The following ABCA13 variants were observed in gnomAD, a reference collection of about 807,000 sequenced individuals.
The protein encoded by ABCA13 is ATP binding cassette subfamily A member 13.
ABCA13 carries 476 observed loss-of-function variants against 478.7 expected under a neutral mutation model. That is an observed-to-expected ratio of 0.99 (90% CI 0.92 to 1.07). The LOEUF is 1.07. Among genes scored for constraint, ABCA13 ranks in the 50% least tolerant of loss-of-function variants. ABCA13 has a pLI of 0.00. For synonymous variants in ABCA13, 2,252 were observed against 2,158.9 expected, an observed-to-expected ratio of 1.04 and a Z score of -1.20; for missense variants, 6,060 against 5,910.6, an observed-to-expected ratio of 1.03 and a Z score of -0.83.
chr7:48,294,747 G>T (rs970903613), intron 20 of ABCA13, among the ~76,000 whole-genome samples: 2 of 152,252 alleles, frequency 1.3e-5, no homozygotes, highest in East Asian at 1.9e-4. Context: ...CGCCCGGCCC[G>T]TTTCTATGGG....
chr7:48,615,152 A>G lies in ABCA13; in HGVS notation c.14745-133A>G, dbSNP rs763362673. On this transcript the variant is annotated intron_variant, in intron 58 of 61. Transcript: ENST00000435803. ...TTCAAAAGCTTTTGATTTGGTTACCATGAGATTTCTGTGTAAAAAAATTAA... is the reference window on the plus strand; with the variant it reads ...TTCAAAAGCTTTTGATTTGGTTACCGTGAGATTTCTGTGTAAAAAAATTAA... 57 of 438,762 alleles carry G rather than the reference A, an allele frequency of 1.3e-4. 1 individual carries two copies. The highest frequency in any genetic ancestry group is 1.9e-4 in the Non-Finnish European group (50 of 260,610). 27.2% of individuals were successfully genotyped at this position (438,762 alleles called of 1,614,324 possible).
chr7:48,386,117 A>AC lies in ABCA13; in HGVS notation c.11336-1705_11336-1704insC, dbSNP rs1327080483. 2.6e-5 allele frequency among the ~76,000 whole-genome samples: 4 copies of AC among 152,308 alleles called. No individual in the cohort carries two copies. In the East Asian group the frequency reaches 5.8e-4, roughly 22 times the overall value. On this transcript the variant is annotated intron_variant, in intron 35 of 61. Transcript: ENST00000435803. ...GCAACAACAGTCAAGCCCAGAGTTAAATCAGTAACAAACTTCCATTCACAA... is the reference window on the plus strand; with the variant it reads ...GCAACAACAGTCAAGCCCAGAGTTAACATCAGTAACAAACTTCCATTCACAA...
At chr7:48,314,530 C>T in intron 26 of ABCA13, 121 bp downstream of exon 26, 1 of 899,782 alleles carries the variant, frequency 1.1e-6, no homozygotes, top group Non-Finnish European at 1.6e-6. Context: ...ATAGAATCTT[C>T]TGCTTCCACC....
intron 61 of ABCA13, among the ~76,000 whole-genome samples, chr7:48,645,186 G>A (rs1300245272): frequency 6.6e-6 from 1 of 152,074 alleles, no homozygotes; most frequent in African/African-American, 2.4e-5. Flanking sequence ...AAGGTATTGA[G>A]AACTTCTAGG....
intron 25 of ABCA13, 136 bp downstream of exon 25, chr7:48,313,367 T>C: frequency 2.3e-6 from 2 of 883,548 alleles, no homozygotes; most frequent in Non-Finnish European, 3.4e-6. Flanking sequence ...TACCTTTTCA[T>C]ATCTCTGGAA....
intron 59 of ABCA13, among the ~76,000 whole-genome samples, chr7:48,634,871 G>T (rs904118761): frequency 6.6e-6 from 1 of 152,036 alleles, no homozygotes; most frequent in African/African-American, 2.4e-5. Context: ...AGTAACTTGG[G>T]ATTGCTTCTG....
At chr7:48,499,687 C>T (rs1527840) in intron 48 of ABCA13, among the ~76,000 whole-genome samples, 19,137 of 152,144 alleles carry the variant, frequency 0.13, 1,480 homozygotes, top group African/African-American at 0.19. Context: ...AAAAATTATT[C>T]AAATGTACTC....
intron 45 of ABCA13, among the ~76,000 whole-genome samples, chr7:48,472,613 A>G (rs1827620430): frequency 6.6e-6 from 1 of 152,108 alleles, no homozygotes; most frequent in African/African-American, 2.4e-5. Flanking sequence ...AAAGAGAGAA[A>G]ACTCTCTGCT....
intron 3 of ABCA13, among the ~76,000 whole-genome samples, chr7:48,198,934 AAGATATTTC>A (rs1250450670): frequency 1.1e-4 from 17 of 152,212 alleles, no homozygotes; most frequent in African/African-American, 4.1e-4. Context: ...GAAGGAGAAG[AAGATATTTC>A]ATGTGAGAAG....
chr7:48,403,590 T>C, intron 38 of ABCA13, 93 bp from the exon 39 acceptor site: 4 of 1,288,376 alleles, frequency 3.1e-6, no homozygotes, highest in Non-Finnish European at 4.3e-6. Flanking sequence ...TTATAACGAT[T>C]TCAGCCACTG....
chr7:48,431,922 T>A (rs777399325), intron 42 of ABCA13, among the ~76,000 whole-genome samples: 1 of 152,228 alleles, frequency 6.6e-6, no homozygotes, highest in Non-Finnish European at 1.5e-5. Context: ...GGCTTCTACA[T>A]AGATGGCAGA....
At chr7:48,620,153 T>C (rs906210927) in intron 59 of ABCA13, among the ~76,000 whole-genome samples, 2 of 151,384 alleles carry the variant, frequency 1.3e-5, no homozygotes, top group East Asian at 1.9e-4. Context: ...AGGCCTTTTT[T>C]AGTTTGAGGA....
At chr7:48,481,652 C>T (rs539341169) in intron 46 of ABCA13, among the ~76,000 whole-genome samples, 1 of 151,986 alleles carries the variant, frequency 6.6e-6, no homozygotes, top group African/African-American at 2.4e-5. Flanking sequence ...TCTACAGGCA[C>T]CTGCCACCAC....
At chr7:48,381,402 C>T (rs189640029) in intron 35 of ABCA13, among the ~76,000 whole-genome samples, 3 of 152,068 alleles carry the variant, frequency 2.0e-5, no homozygotes, top group African/African-American at 7.2e-5. Context: ...CACGCACACA[C>T]CCCATACCTC....
intron 1 of ABCA13, among the ~76,000 whole-genome samples, chr7:48,184,693 G>A (rs144981874): frequency 0.63 from 96,222 of 151,898 alleles, 32,996 homozygotes; most frequent in Non-Finnish European, 0.79. Flanking sequence ...GGTGGCGCAT[G>A]CCTGTAATCC....
intron 15 of ABCA13, among the ~76,000 whole-genome samples, chr7:48,252,590 G>A (rs1584451695): frequency 6.6e-6 from 1 of 152,244 alleles, no homozygotes; most frequent in East Asian, 1.9e-4. Flanking sequence ...GAAAGGTAAG[G>A]TAAAAATATA....
intron 1 of ABCA13, among the ~76,000 whole-genome samples, chr7:48,182,260 G>A (rs922728507): frequency 1.3e-5 from 2 of 152,120 alleles, no homozygotes; most frequent in Non-Finnish European, 2.9e-5. Flanking sequence ...CTAACGATTG[G>A]TGCTTAATTT....
At chr7:48,245,800 C>G (rs762356215) in intron 12 of ABCA13, 63 bp from the exon 13 acceptor site, 370 of 1,500,314 alleles carry the variant, frequency 2.5e-4, no homozygotes, top group Non-Finnish European at 3.0e-4. Context: ...GTTCTTGAGC[C>G]CATGAAGAGG....
chr7:48,631,165 G>A (rs28855442), intron 59 of ABCA13, among the ~76,000 whole-genome samples: 30,495 of 151,748 alleles, frequency 0.2, 3,259 homozygotes, highest in African/African-American at 0.27. Flanking sequence ...AGTTTACTTA[G>A]GTCTCACTTG....
Sources: gnomAD v4.1 joint callset for allele counts (sites outside exome capture counted in the v4.1 genomes callset) on GRCh38, gnomAD v4.1.1 for gene constraint, MANE v1.5 for transcripts, NCBI Gene and HGNC (gene_info 2026-07-23, HGNC 2026-07-21) for gene names.